Variants in IRAG2 observed in about 807,000 individuals in gnomAD.
IRAG2 encodes the protein inositol 1,4,5-triphosphate receptor associated 2.
IRAG2 carries 45 observed loss-of-function variants against 69.9 expected under a neutral mutation model. The ratio of observed to expected loss-of-function variants is 0.64; its 90% CI spans 0.51 to 0.83. The LOEUF (loss-of-function observed/expected upper bound fraction) is 0.83, where lower values mean the gene tolerates loss of function less well. Ranked by LOEUF, IRAG2 falls within the 40% of genes least tolerant of loss-of-function variation. The pLI, the probability that IRAG2 is intolerant of heterozygous loss-of-function variation, is 0.00. For synonymous variants in IRAG2, 193 were observed against 202.4 expected, an observed-to-expected ratio of 0.95 and a Z score of 0.40; for missense variants, 520 against 587.0, an observed-to-expected ratio of 0.89 and a Z score of 1.18.
chr12:25,088,709 C>T (rs7300748), intron 11 of IRAG2, among the ~76,000 whole-genome samples: 30,960 of 152,074 alleles, frequency 0.2, 3,429 homozygotes, highest in Admixed American at 0.29. Context: ...GAGAACTAGG[C>T]TAATTTCATG....
In IRAG2 at chr12:25,095,503, C is replaced by A. The variant is rs887266009; in HGVS notation, c.607-1407C>A. Among the ~76,000 whole-genome samples, 6 of 152,060 alleles carry A rather than the reference C, an allele frequency of 3.9e-5. No homozygotes were observed. The South Asian group carries it at 6.2e-4, about 16-fold the overall frequency. ...ATTATAGAAATAAATCCTACTTGTA[C>A]ATGATGTATAATCCTTTTTATGTAC... On this transcript the variant is annotated intron_variant, in intron 14 of 21. Coordinates refer to ENST00000556887, the MANE Select transcript of IRAG2 (RefSeq NM_001366544.2).
chr12:25,034,507 G>T (rs963781334), intron 13 of IRAG2, among the ~76,000 whole-genome samples: 2 of 151,936 alleles, frequency 1.3e-5, no homozygotes, highest in African/African-American at 4.8e-5. Flanking sequence ...CCATTTGTTT[G>T]GTAGACCCAG....
intron 5 of IRAG2, among the ~76,000 whole-genome samples, chr12:25,068,667 C>T (rs1946139005): frequency 6.6e-6 from 1 of 152,100 alleles, no homozygotes; most frequent in African/African-American, 2.4e-5. Context: ...TCGTAATACT[C>T]AGGAAATTTC....
intron 9 of IRAG2, chr12:25,026,954 T>A (rs2139842468): frequency 1.7e-6 from 1 of 575,158 alleles, no homozygotes; most frequent in Non-Finnish European, 2.6e-6. Context: ...ATTGACAAAC[T>A]AAACTTTGGT....
chr12:25,031,724 G>A (rs532881732), intron 10 of IRAG2, among the ~76,000 whole-genome samples: 42 of 152,134 alleles, frequency 2.8e-4, no homozygotes, highest in East Asian at 1.7e-3. Flanking sequence ...GTGCAATGGC[G>A]TGATCTTGGC....
chr12:25,021,091 C>CTTTTTTTTTTTTTTCTTTTT (rs71063389), intron 7 of IRAG2: 1 of 266,022 alleles, frequency 3.8e-6, no homozygotes, highest in Non-Finnish European at 6.7e-6. Context: ...TCTTTCTTTT[C>CTTTTTTTTTTTTTTCTTTTT]TTTTTTTTTT....
rs192587429 is a variant in IRAG2 at position 25,041,911 on chromosome 12, C to T, written c.2144+3774C>T. On this transcript the variant is annotated intron_variant, in intron 16 of 38. Transcript: ENST00000636465. ...AGACATAAAATAATAGAGTGCATTA[C>T]ATATAGTAAGAATAAGCAGTGCTGA... is the stretch of plus-strand genomic sequence containing the variant. Among the ~76,000 whole-genome samples the T allele has an allele frequency of 2.8e-3, 428 of 150,632 alleles. 2 individuals carry two copies. The highest frequency in any genetic ancestry group is 0.01 in the Middle Eastern group (3 of 292).
intron 10 of IRAG2, among the ~76,000 whole-genome samples, chr12:25,086,663 C>T (rs575097347): frequency 4.6e-5 from 7 of 152,012 alleles, no homozygotes; most frequent in South Asian, 2.1e-4. Flanking sequence ...GGCTGTGACG[C>T]GGGGCTGGGG....
chr12:25,014,669 C>T (rs746706930), intron 3 of IRAG2, among the ~76,000 whole-genome samples: 16 of 151,940 alleles, frequency 1.1e-4, no homozygotes, highest in South Asian at 2.1e-4. Flanking sequence ...TAAAATTAGT[C>T]GAGGTTCTAT....
At position 25,102,128 on chromosome 12, in the gene IRAG2, A is replaced by G. The variant is rs1315159752; in HGVS notation, c.890-70A>G. On this transcript the variant is annotated intron_variant, in intron 16 of 21. Coordinates refer to ENST00000556887, the MANE Select transcript of IRAG2 (RefSeq NM_001366544.2). Reference sequence around the variant, plus strand: ...CTGAATTTTGCTTTACCTTTAAAGAATTAAGACGTTGCTTTAACATAAATG... The same window carrying G: ...CTGAATTTTGCTTTACCTTTAAAGAGTTAAGACGTTGCTTTAACATAAATG... 4.9e-6 allele frequency: 6 copies of G among 1,217,722 alleles called. No individual in the cohort carries two copies. In the African/African-American group the frequency reaches 9.0e-5, roughly 18 times the overall value. 75.4% of individuals were successfully genotyped at this position (1,217,722 alleles called of 1,614,324 possible).
chr12:25,004,911 A>T (rs999316962), exon 1 of IRAG2: 1 of 1,229,452 alleles, frequency 8.1e-7, no homozygotes, highest in East Asian at 3.2e-5. Context: ...CTCTGAATGA[A>T]GATGGTAAAT....
intron 9 of IRAG2, among the ~76,000 whole-genome samples, chr12:25,029,509 T>A (rs1944651976): frequency 6.6e-6 from 1 of 152,244 alleles, no homozygotes; most frequent in African/African-American, 2.4e-5. Context: ...CTGACCATGA[T>A]GATTATTTTT....
At chr12:25,101,096 T>C (rs1948728682) in intron 15 of IRAG2, 82 bp from the exon 16 acceptor site, 1 of 1,207,714 alleles carries the variant, frequency 8.3e-7, no homozygotes, top group Non-Finnish European at 1.1e-6. Context: ...AGGAATGGAG[T>C]GAAGGTAAAT....
intron 16 of IRAG2, among the ~76,000 whole-genome samples, chr12:25,044,760 GCAAACA>G (rs1944778908): frequency 1.3e-5 from 2 of 151,742 alleles, no homozygotes; most frequent in Admixed American, 6.6e-5. Context: ...AATATATAAA[GCAAACA>G]CTGACAGAAC....
chr12:25,008,146 C>T (rs1302452318), intron 2 of IRAG2, among the ~76,000 whole-genome samples: 1 of 152,114 alleles, frequency 6.6e-6, no homozygotes, highest in Non-Finnish European at 1.5e-5. Context: ...TTAGATGTTG[C>T]AAATGGTAAT....
upstream of IRAG2, among the ~76,000 whole-genome samples, chr12:25,000,614 A>G (rs1453333997): frequency 6.6e-6 from 1 of 152,140 alleles, no homozygotes; most frequent in African/African-American, 2.4e-5. Flanking sequence ...GGTAACAGAG[A>G]CCCAGTCTCT....
At chr12:25,001,136 G>A (rs1944388747), upstream of IRAG2, among the ~76,000 whole-genome samples, 1 of 152,136 alleles carries the variant, frequency 6.6e-6, no homozygotes. Flanking sequence ...AGCTCATGAA[G>A]AGCCATTGTT....
intron 3 of IRAG2, among the ~76,000 whole-genome samples, chr12:25,063,471 G>A (rs10842454): frequency 0.43 from 65,398 of 152,100 alleles, 15,961 homozygotes; most frequent in East Asian, 0.64. Flanking sequence ...TGGAGTTGAT[G>A]ATGTTAGCAT....
chr12:25,016,774 T>C (rs972314557), intron 5 of IRAG2, among the ~76,000 whole-genome samples: 1 of 149,552 alleles, frequency 6.7e-6, no homozygotes, highest in South Asian at 2.1e-4. Flanking sequence ...AAAAAGAATA[T>C]TGTGTCCATT....
Sources: allele counts gnomAD v4.1 joint callset (sites outside exome capture counted in the v4.1 genomes callset), GRCh38; gene constraint gnomAD v4.1.1; transcripts MANE v1.5; gene names NCBI Gene and HGNC (gene_info 2026-07-23, HGNC 2026-07-21).